ZNF391: variants seen among roughly 807,000 people sequenced by gnomAD.
ZNF391 encodes zinc finger protein 391.
For missense variants in ZNF391, 375 were observed against 425.5 expected, an observed-to-expected ratio of 0.88 and a Z score of 1.04; for synonymous variants, 126 against 142.1, an observed-to-expected ratio of 0.89 and a Z score of 0.80.
intron 1 of ZNF391, among the ~76,000 whole-genome samples, chr6:27,378,662 G>C (rs745839294): frequency 3.1e-4 from 47 of 152,268 alleles, no homozygotes; most frequent in Non-Finnish European, 5.1e-4. Flanking sequence ...GCATGTATAC[G>C]TGCAGGTCAC....
At chr6:27,389,449 A>G (rs1268373333) in intron 1 of ZNF391, 2 of 454,512 alleles carry the variant, frequency 4.4e-6, no homozygotes, top group African/African-American at 2.0e-5. Flanking sequence ...TCCTTGCATC[A>G]ACCCTATGAA....
intron 1 of ZNF391, chr6:27,389,555 T>TAATC: frequency 2.4e-6 from 1 of 414,598 alleles, no homozygotes; most frequent in Non-Finnish European, 4.7e-6. Context: ...CTCACGCCTG[T>TAATC]AATCCCAGCA....
At chr6:27,387,268 A>C (rs767230229), upstream of ZNF391, among the ~76,000 whole-genome samples, 11 of 152,214 alleles carry the variant, frequency 7.2e-5, no homozygotes, top group Non-Finnish European at 8.8e-5. Flanking sequence ...ATGTAAAACG[A>C]TGCAGCCATT....
intron 1 of ZNF391, among the ~76,000 whole-genome samples, chr6:27,381,268 C>T (rs1020181373): frequency 6.6e-6 from 1 of 152,220 alleles, no homozygotes; most frequent in Non-Finnish European, 1.5e-5. Context: ...TGGGCTAGCA[C>T]TGCTGGGGGA....
At chr6:27,392,349 A>C (rs7738512) in intron 1 of ZNF391, among the ~76,000 whole-genome samples, 1 of 151,932 alleles carries the variant, frequency 6.6e-6, no homozygotes, top group Non-Finnish European at 1.5e-5. Flanking sequence ...TCTACCTCCC[A>C]GGTTCAAGCA....
intron 1 of ZNF391, among the ~76,000 whole-genome samples, chr6:27,392,307 G>A (rs1327757964): frequency 6.6e-6 from 1 of 152,160 alleles, no homozygotes; most frequent in African/African-American, 2.4e-5. Context: ...CCAGGCCAGA[G>A]TGCAGTGGTA....
intron 1 of ZNF391, among the ~76,000 whole-genome samples, chr6:27,380,578 C>G (rs916553897): frequency 7.9e-5 from 12 of 152,164 alleles, no homozygotes; most frequent in Admixed American, 7.2e-4. Flanking sequence ...ACTGCTGGCT[C>G]GGGCAGCCTG....
chr6:27,389,497 A>C (rs1761655552), intron 1 of ZNF391: 1 of 441,122 alleles, frequency 2.3e-6, no homozygotes, highest in South Asian at 1.6e-5. Context: ...ACAGATAAGG[A>C]AATTGAGGCA....
Position 27,400,508 on chromosome 6 carries a change from G to C in ZNF391, c.138G>C (p.Val46=). 6.2e-7 allele frequency: 1 copy of C among 1,614,186 alleles called. No individual in the cohort carries two copies. The highest frequency in any genetic ancestry group is 1.1e-5 in the South Asian group (1 of 91,078). Reference sequence around the variant, plus strand: ...TTGAGAACACAGTGGTCAGAAAAGTGTCAGTGACACTCAAAGAAATTTTCA... The same window carrying C: ...TTGAGAACACAGTGGTCAGAAAAGTCTCAGTGACACTCAAAGAAATTTTCA... The part of the protein sequence containing the change: ...SSFENTVVRK[V]SVTLKEIFTG... Residue 46 remains valine (V), a synonymous_variant, in exon 3 of 3, where the codon GTG becomes GTC. Transcript: ENST00000244576.
intron 1 of ZNF391, among the ~76,000 whole-genome samples, chr6:27,392,692 A>G (rs1486128842): frequency 1.3e-5 from 2 of 152,238 alleles, no homozygotes; most frequent in Non-Finnish European, 2.9e-5. Flanking sequence ...ACCTTCTGAC[A>G]TCAGTGGAGT....
At chr6:27,384,750 G>T (rs1371336783), upstream of ZNF391, among the ~76,000 whole-genome samples, 1 of 152,116 alleles carries the variant, frequency 6.6e-6, no homozygotes, top group Non-Finnish European at 1.5e-5. Context: ...AGGTGCTGTG[G>T]CTCATGCCTG....
At chr6:27,389,355 G>A in intron 1 of ZNF391, 1 of 454,558 alleles carries the variant, frequency 2.2e-6, no homozygotes, top group Non-Finnish European at 4.4e-6. Context: ...GGGCGAGGGA[G>A]GTCTTCGGTA....
chr6:27,381,212 G>A (rs571171667), intron 1 of ZNF391, among the ~76,000 whole-genome samples: 12 of 152,368 alleles, frequency 7.9e-5, no homozygotes, highest in East Asian at 1.9e-4. Context: ...GGCCTGCGCC[G>A]CGGGAAGGCA....
intron 1 of ZNF391, among the ~76,000 whole-genome samples, chr6:27,381,229 G>A (rs1404982870): frequency 6.6e-6 from 1 of 152,248 alleles, no homozygotes; most frequent in Non-Finnish European, 1.5e-5. Flanking sequence ...GGCAGCTAAG[G>A]CCCGGCGAGA....
At chr6:27,384,607 G>A (rs1474218542), upstream of ZNF391, among the ~76,000 whole-genome samples, 2 of 151,932 alleles carry the variant, frequency 1.3e-5, no homozygotes, top group African/African-American at 2.4e-5. Context: ...TAACAATAAT[G>A]TATTTACTCA....
chr6:27,378,189 C>T (rs965911350), intron 1 of ZNF391, among the ~76,000 whole-genome samples: 1 of 152,014 alleles, frequency 6.6e-6, no homozygotes, highest in South Asian at 2.1e-4. Flanking sequence ...TAAAAACCAC[C>T]CCCAGTCATC....
At chr6:27,389,601 C>T (rs1041637162) in intron 1 of ZNF391, 1 of 372,152 alleles carries the variant, frequency 2.7e-6, no homozygotes, top group African/African-American at 2.2e-5. Flanking sequence ...CACCTGAGGT[C>T]GAGACCAGCC....
intron 2 of ZNF391, 136 bp downstream of exon 2, chr6:27,399,686 G>A (rs1265747707): frequency 6.6e-6 from 1 of 152,206 alleles, no homozygotes; most frequent in Non-Finnish European, 1.5e-5. Flanking sequence ...GGTTGGCCTA[G>A]ATGATGTCTA....
chr6:27,383,877 C>T (rs1316303489), upstream of ZNF391, among the ~76,000 whole-genome samples: 1 of 152,072 alleles, frequency 6.6e-6, no homozygotes, highest in East Asian at 1.9e-4. Context: ...GGGGAAAAAA[C>T]AGCTTATATA....
Sources: allele counts gnomAD v4.1 joint callset (sites outside exome capture counted in the v4.1 genomes callset), GRCh38; gene constraint gnomAD v4.1.1; transcripts MANE v1.5; gene names NCBI Gene and HGNC (gene_info 2026-07-23, HGNC 2026-07-21).